POU2AF2: variants seen among roughly 807,000 people sequenced by gnomAD.
The protein encoded by POU2AF2 is POU domain class 2-associating factor 2.
the POU2AF2 span, chr11:111,285,676 G>C: frequency 6.2e-7 from 1 of 1,613,218 alleles, no homozygotes; most frequent in Non-Finnish European, 8.5e-7. Flanking sequence ...AGCAGACGTT[G>C]CCTGACGGTC....
At chr11:111,262,360 G>C in the POU2AF2 span, among the ~76,000 whole-genome samples, 1 of 152,186 alleles carries the variant, frequency 6.6e-6, no homozygotes, top group African/African-American at 2.4e-5. Flanking sequence ...GTCTATCTTA[G>C]TCCCTAAAAC....
chr11:111,269,690 C>T, the POU2AF2 span, among the ~76,000 whole-genome samples: 1 of 152,128 alleles, frequency 6.6e-6, no homozygotes, highest in Admixed American at 6.5e-5. Flanking sequence ...TCCTGTTGTT[C>T]TAACTTAGCT....
chr11:111,268,489 TTTATTTTATTTTATTTTATTTTA>T, the POU2AF2 span, among the ~76,000 whole-genome samples: 3 of 48,714 alleles, frequency 6.2e-5, no homozygotes, highest in Non-Finnish European at 9.2e-5. Flanking sequence ...TTTATTTTAT[TTTATTTTATTTTATTTTATTTTA>T]TTTTATTTTA....
the POU2AF2 span, among the ~76,000 whole-genome samples, chr11:111,268,474 C>CTT: frequency 0.017 from 1,193 of 70,792 alleles, 104 homozygotes; most frequent in Non-Finnish European, 0.029. Flanking sequence ...CTACATTTTT[C>CTT]TTTTTTTATT....
the POU2AF2 span, chr11:111,286,022 T>C: frequency 6.2e-7 from 1 of 1,613,706 alleles, no homozygotes; most frequent in Non-Finnish European, 8.5e-7. Context: ...GAGTATTGCC[T>C]GGGGGTCATA....
At chr11:111,285,784 C>T in the POU2AF2 span, 3 of 1,611,652 alleles carry the variant, frequency 1.9e-6, no homozygotes, top group Non-Finnish European at 2.5e-6. Context: ...TCGCCCAGCA[C>T]AGGGGCTCAA....
At chr11:111,284,919 A>G in the POU2AF2 span, among the ~76,000 whole-genome samples, 1 of 152,328 alleles carries the variant, frequency 6.6e-6, no homozygotes, top group Middle Eastern at 3.4e-3. Context: ...TAATGCTCAT[A>G]GAGAATAGTA....
chr11:111,253,233 C>CTG, the POU2AF2 span, among the ~76,000 whole-genome samples: 2 of 152,288 alleles, frequency 1.3e-5, no homozygotes, highest in East Asian at 3.9e-4. Context: ...GCTTCCAAAC[C>CTG]TGTGTGTCAG....
the POU2AF2 span, among the ~76,000 whole-genome samples, chr11:111,269,088 T>A: frequency 6.6e-6 from 1 of 152,110 alleles, no homozygotes; most frequent in Non-Finnish European, 1.5e-5. Flanking sequence ...GGAATCAGTA[T>A]TCACCCTGGG....
chr11:111,273,960 G>A, the POU2AF2 span, among the ~76,000 whole-genome samples: 4 of 152,058 alleles, frequency 2.6e-5, no homozygotes, highest in East Asian at 5.8e-4. Context: ...ATACCATCTC[G>A]CTTGGTCAAA....
At chr11:111,284,311 C>A in the POU2AF2 span, 1 of 1,611,980 alleles carries the variant, frequency 6.2e-7, no homozygotes, top group Non-Finnish European at 8.5e-7. Context: ...GCTCTCTGTT[C>A]AGCGCCTCGC....
the POU2AF2 span, among the ~76,000 whole-genome samples, chr11:111,246,295 T>C: frequency 6.6e-6 from 1 of 152,216 alleles, no homozygotes; most frequent in Non-Finnish European, 1.5e-5. Flanking sequence ...TATTCATGCA[T>C]CTTGTTTTAG....
the POU2AF2 span, among the ~76,000 whole-genome samples, chr11:111,267,660 G>C: frequency 6.6e-6 from 1 of 152,248 alleles, no homozygotes; most frequent in African/African-American, 2.4e-5. Context: ...AGATTCCTGA[G>C]CCCAGTGAAA....
At chr11:111,277,972 T>C in the POU2AF2 span, among the ~76,000 whole-genome samples, 3 of 152,252 alleles carry the variant, frequency 2.0e-5, no homozygotes, top group Non-Finnish European at 4.4e-5. Flanking sequence ...ATTTAATCAC[T>C]GCCCCTTTCC....
the POU2AF2 span, among the ~76,000 whole-genome samples, chr11:111,252,001 C>T: frequency 2.0e-5 from 3 of 152,204 alleles, no homozygotes; most frequent in African/African-American, 7.2e-5. Flanking sequence ...AGGTGTATTT[C>T]CCCTAGGCTT....
chr11:111,279,912 G>A, the POU2AF2 span, among the ~76,000 whole-genome samples: 837 of 151,392 alleles, frequency 5.5e-3, 6 homozygotes, highest in African/African-American at 0.019. Flanking sequence ...GTGGTGGTGC[G>A]TGCCTGTAAT....
the POU2AF2 span, chr11:111,285,666 A>G: frequency 6.2e-7 from 1 of 1,612,792 alleles, no homozygotes; most frequent in Admixed American, 1.7e-5. Flanking sequence ...GACTCATGGG[A>G]GCAGACGTTG....
chr11:111,274,592 CAG>C, the POU2AF2 span, among the ~76,000 whole-genome samples: 2 of 151,242 alleles, frequency 1.3e-5, no homozygotes, highest in Admixed American at 1.3e-4. Flanking sequence ...GAGAAAGAGA[CAG>C]AGACAGATAG....
chr11:111,248,543 G>A, the POU2AF2 span, among the ~76,000 whole-genome samples: 1 of 152,200 alleles, frequency 6.6e-6, no homozygotes, highest in East Asian at 1.9e-4. Flanking sequence ...AGTGTCAAGA[G>A]GGAGTGTAAT....
Sources: allele counts gnomAD v4.1 joint callset (sites outside exome capture counted in the v4.1 genomes callset), GRCh38; gene constraint gnomAD v4.1.1; transcripts MANE v1.5; gene names NCBI Gene and HGNC (gene_info 2026-07-23, HGNC 2026-07-21).